The following PBX3 variants were observed in gnomAD, a reference collection of about 807,000 sequenced individuals.
PBX3 encodes PBX homeobox 3.
In PBX3, 14 loss-of-function variants were observed where a neutral mutation model predicts 48.5. That is an observed-to-expected ratio of 0.29 (90% CI 0.19 to 0.45). PBX3 has a LOEUF of 0.45. PBX3 is among the 20% of genes least tolerant of loss of function. PBX3 has a pLI of 1.00. For synonymous variants in PBX3, 210 were observed against 200.3 expected (o/e 1.05, Z -0.41); for missense variants, 386 against 546.7 (o/e 0.71, Z 2.93).
intron 2 of PBX3, among the ~76,000 whole-genome samples, chr9:125,889,841 C>T (rs1435430636): frequency 6.8e-6 from 1 of 147,988 alleles, no homozygotes; most frequent in African/African-American, 2.4e-5. Context: ...CGCGGCTCCG[C>T]GCTGCGAGAA....
intron 2 of PBX3, among the ~76,000 whole-genome samples, chr9:125,781,229 C>A (rs943019266): frequency 6.6e-6 from 1 of 151,086 alleles, no homozygotes; most frequent in African/African-American, 2.4e-5. Flanking sequence ...GCCTGGGCAC[C>A]ATTGAGCACT....
intron 2 of PBX3, among the ~76,000 whole-genome samples, chr9:125,914,029 AAG>A (rs1841267327): frequency 6.6e-6 from 1 of 152,234 alleles, no homozygotes; most frequent in Admixed American, 6.5e-5. Flanking sequence ...AGTGAATTAA[AAG>A]AGAGGAAAAT....
At chr9:125,773,021 CATT>C (rs1224555719) in intron 2 of PBX3, among the ~76,000 whole-genome samples, 1 of 152,174 alleles carries the variant, frequency 6.6e-6, no homozygotes, top group Non-Finnish European at 1.5e-5. Flanking sequence ...GGGATGACAT[CATT>C]GAGGCTTCAG....
intron 2 of PBX3, among the ~76,000 whole-genome samples, chr9:125,808,230 G>A (rs1028583806): frequency 5.9e-5 from 9 of 152,132 alleles, no homozygotes; most frequent in African/African-American, 2.2e-4. Flanking sequence ...CATTTTTCTA[G>A]TATAAAATAG....
At chr9:125,912,633 A>G (rs1358845117) in intron 2 of PBX3, among the ~76,000 whole-genome samples, 1 of 152,156 alleles carries the variant, frequency 6.6e-6, no homozygotes, top group East Asian at 1.9e-4. Flanking sequence ...TAGATTGCAA[A>G]TAGGGTTTAT....
intron 2 of PBX3, among the ~76,000 whole-genome samples, chr9:125,845,827 A>C (rs1245144037): frequency 2.6e-5 from 4 of 152,142 alleles, no homozygotes; most frequent in African/African-American, 7.2e-5. Flanking sequence ...CTGAGTAGTA[A>C]TCTGACTGTA....
intron 2 of PBX3, among the ~76,000 whole-genome samples, chr9:125,755,304 A>G (rs1161834985): frequency 6.6e-6 from 1 of 152,176 alleles, no homozygotes; most frequent in Non-Finnish European, 1.5e-5. Context: ...TGCATATAGA[A>G]ATTATCTGCA....
At chr9:125,930,266 T>G (rs1429955372) in intron 4 of PBX3, among the ~76,000 whole-genome samples, 1 of 152,226 alleles carries the variant, frequency 6.6e-6, no homozygotes, top group Non-Finnish European at 1.5e-5. Context: ...GAAGTGGCAT[T>G]TCAGTTAATA....
intron 2 of PBX3, among the ~76,000 whole-genome samples, chr9:125,890,952 C>A (rs1020118869): frequency 1.3e-5 from 2 of 152,180 alleles, no homozygotes; most frequent in Non-Finnish European, 2.9e-5. Context: ...GGAGCAATCA[C>A]ACTGAAAATT....
chr9:125,844,379 G>A (rs1047108818), intron 2 of PBX3, among the ~76,000 whole-genome samples: 1 of 149,522 alleles, frequency 6.7e-6, no homozygotes, highest in Non-Finnish European at 1.5e-5. Context: ...TATTTATAAT[G>A]GATTCATCAC....
chr9:125,901,318 T>G (rs1169001977), intron 2 of PBX3, among the ~76,000 whole-genome samples: 1 of 151,742 alleles, frequency 6.6e-6, no homozygotes, highest in Non-Finnish European at 1.5e-5. Flanking sequence ...CAACTGTGTA[T>G]CTGAGTTTCT....
In PBX3 at chr9:125,876,006, A is replaced by C. The variant is rs79391876; in HGVS notation, c.275-39680A>C. On this transcript the variant is annotated intron_variant, in intron 2 of 8. Coordinates refer to ENST00000373489, the MANE Select transcript of PBX3 (RefSeq NM_006195.6). ...CCTTTTGTCCTTGTCAGACTGGTCT[A>C]CTTTCTTTCCTTAAGGACAATTCAT... Among the ~76,000 whole-genome samples the C allele has an allele frequency of 1.4e-3, 212 of 152,308 alleles. 1 individual carries two copies. The highest frequency in any genetic ancestry group is 5.0e-3 in the African/African-American group (206 of 41,564).
chr9:125,773,209 A>G (rs923094714), intron 2 of PBX3, among the ~76,000 whole-genome samples: 11 of 152,198 alleles, frequency 7.2e-5, no homozygotes, highest in African/African-American at 2.4e-4. Context: ...TAATGGGGTA[A>G]TAGTGGGGTT....
At chr9:125,862,652 T>G (rs1158824110) in intron 2 of PBX3, among the ~76,000 whole-genome samples, 1 of 152,156 alleles carries the variant, frequency 6.6e-6, no homozygotes, top group Non-Finnish European at 1.5e-5. Context: ...CCCAAAGTGC[T>G]GGGATTACAG....
chr9:125,810,740 C>A (rs1315595711), intron 2 of PBX3, among the ~76,000 whole-genome samples: 1 of 152,108 alleles, frequency 6.6e-6, no homozygotes, highest in Non-Finnish European at 1.5e-5. Context: ...ACAGAGCCAG[C>A]CAATCAGATG....
chr9:125,859,030 C>T (rs1839796352), intron 2 of PBX3, among the ~76,000 whole-genome samples: 2 of 152,150 alleles, frequency 1.3e-5, no homozygotes, highest in African/African-American at 4.8e-5. Flanking sequence ...AGCTTCTGCC[C>T]ATAGACAAGT....
intron 3 of PBX3, among the ~76,000 whole-genome samples, chr9:125,918,292 T>G (rs1335085686): frequency 1.3e-5 from 2 of 152,200 alleles, no homozygotes; most frequent in East Asian, 3.8e-4. Flanking sequence ...CTCACTGTTT[T>G]AGAAATATCC....
intron 2 of PBX3, among the ~76,000 whole-genome samples, chr9:125,781,113 G>A (rs1207143192): frequency 6.7e-6 from 1 of 149,872 alleles, no homozygotes; most frequent in Non-Finnish European, 1.5e-5. Context: ...CTTCCCAGAC[G>A]GGGTGGTGGC....
At chr9:125,917,946 A>G (rs961502784) in intron 3 of PBX3, among the ~76,000 whole-genome samples, 4 of 152,240 alleles carry the variant, frequency 2.6e-5, no homozygotes, top group Non-Finnish European at 4.4e-5. Flanking sequence ...CTGATTTGAC[A>G]TATGAATAAT....
Sources: gnomAD v4.1 joint callset for allele counts (sites outside exome capture counted in the v4.1 genomes callset) on GRCh38, gnomAD v4.1.1 for gene constraint, MANE v1.5 for transcripts, NCBI Gene and HGNC (gene_info 2026-07-23, HGNC 2026-07-21) for gene names.